The following FXYD6 variants were observed in gnomAD, a reference collection of about 807,000 sequenced individuals.
The protein encoded by FXYD6 is FXYD domain-containing ion transport regulator 6.
Under a neutral mutation model 16.7 loss-of-function variants are expected in FXYD6, and 7 were observed. The ratio of observed to expected loss-of-function variants is 0.42; its 90% CI spans 0.24 to 0.79. The LOEUF is 0.79. Ranked by LOEUF, FXYD6 falls within the 30% of genes least tolerant of loss-of-function variation. FXYD6 has a pLI of 0.28. For missense variants in FXYD6, 111 were observed against 116.2 expected (o/e 0.95, Z 0.21); for synonymous variants, 49 against 43.0 (o/e 1.14, Z -0.54).
intron 1 of FXYD6, among the ~76,000 whole-genome samples, chr11:117,852,435 C>T (rs2056631030): frequency 6.6e-6 from 1 of 152,214 alleles, no homozygotes; most frequent in Non-Finnish European, 1.5e-5. Flanking sequence ...ATTATTTTTG[C>T]TCTGCACTTT....
chr11:117,841,717 C>G, intron 4 of FXYD6, 74 bp downstream of exon 4: 1 of 1,567,756 alleles, frequency 6.4e-7, no homozygotes. Flanking sequence ...ACCAACCAGG[C>G]TCTCACACTG....
At position 117,858,685 on chromosome 11, in the gene FXYD6, TTCTTTCTTTCTTTCTTTC is replaced by T. The variant is rs1340180936; in HGVS notation, c.-5-15922_-5-15905del. Among the ~76,000 whole-genome samples, 94 of 86,990 alleles carry T rather than the reference TTCTTTCTTTCTTTCTTTC, an allele frequency of 1.1e-3. 3 individuals are homozygous for T. Among genetic ancestry groups the T allele is most frequent in the Middle Eastern group, 4.9e-3 (1 of 204 alleles). 57.1% of individuals were successfully genotyped at this position (86,990 alleles called of 152,430 possible). ...TTTCTTTCTTTCTTTCTTTCTTTCT[TTCTTTCTTTCTTTCTTTC>T]TCTCTCTCTCTCCTTCCTTCCCTTC... is the stretch of plus-strand genomic sequence containing the variant. On this transcript the variant is annotated intron_variant, in intron 1 of 7. Transcript: ENST00000526014.
intron 1 of FXYD6, among the ~76,000 whole-genome samples, chr11:117,861,931 C>T (rs1255895332): frequency 1.3e-5 from 2 of 152,188 alleles, no homozygotes; most frequent in African/African-American, 2.4e-5. Context: ...GATATGTGGC[C>T]CAGGGAGGAC....
chr11:117,865,382 G>C (rs2056992696), intron 1 of FXYD6, among the ~76,000 whole-genome samples: 1 of 152,164 alleles, frequency 6.6e-6, no homozygotes, highest in Non-Finnish European at 1.5e-5. Context: ...CAAAAGAATT[G>C]GAAATAGAAC....
At chr11:117,842,249 G>A in intron 2 of FXYD6, 1 of 619,590 alleles carries the variant, frequency 1.6e-6, no homozygotes, top group East Asian at 2.7e-5. Flanking sequence ...AACTCAGTGA[G>A]GCTCTGAGTC....
At chr11:117,846,595 G>T (rs75589807) in intron 1 of FXYD6, among the ~76,000 whole-genome samples, 3,250 of 152,284 alleles carry the variant, frequency 0.021, 111 homozygotes, top group African/African-American at 0.073. Context: ...ATGATAACTT[G>T]TACTGTAACC....
At chr11:117,849,968 G>C (rs964209349) in intron 1 of FXYD6, among the ~76,000 whole-genome samples, 1 of 152,112 alleles carries the variant, frequency 6.6e-6, no homozygotes. Flanking sequence ...TGACATCAGA[G>C]GGCTAAAAAC....
chr11:117,863,068 G>A (rs2056943501), intron 1 of FXYD6, among the ~76,000 whole-genome samples: 1 of 152,200 alleles, frequency 6.6e-6, no homozygotes, highest in Admixed American at 6.5e-5. Context: ...TCCATGGGAT[G>A]TTGGTTATTA....
chr11:117,844,249 C>T (rs911257467), intron 1 of FXYD6: 1 of 152,360 alleles, frequency 6.6e-6, no homozygotes, highest in African/African-American at 2.4e-5. Flanking sequence ...AATTTGCTTT[C>T]AATGCTGTCT....
chr11:117,868,097 G>A (rs1248594469), intron 1 of FXYD6, among the ~76,000 whole-genome samples: 1 of 152,196 alleles, frequency 6.6e-6, no homozygotes, highest in African/African-American at 2.4e-5. Flanking sequence ...TTGGCGCATA[G>A]CACATTCTGT....
intron 1 of FXYD6, among the ~76,000 whole-genome samples, chr11:117,857,504 G>C (rs1408858066): frequency 6.6e-6 from 1 of 151,728 alleles, no homozygotes; most frequent in Non-Finnish European, 1.5e-5. Flanking sequence ...CTGCTGCCGG[G>C]TTCAAGCGAT....
intron 1 of FXYD6, among the ~76,000 whole-genome samples, chr11:117,856,527 G>A (rs543416750): frequency 2.6e-5 from 4 of 152,310 alleles, no homozygotes; most frequent in South Asian, 4.1e-4. Flanking sequence ...TAAGAAAGAT[G>A]AGGTCTCACT....
intron 1 of FXYD6, among the ~76,000 whole-genome samples, chr11:117,864,550 A>G (rs1354984382): frequency 6.6e-6 from 1 of 152,232 alleles, no homozygotes; most frequent in Non-Finnish European, 1.5e-5. Flanking sequence ...TGAATAGGAC[A>G]ACAAAGGCAC....
At chr11:117,852,194 T>C (rs1011116869) in intron 1 of FXYD6, among the ~76,000 whole-genome samples, 4 of 152,220 alleles carry the variant, frequency 2.6e-5, no homozygotes, top group African/African-American at 9.7e-5. Context: ...CAGTCAATTC[T>C]CTTATCAGAC....
chr11:117,841,180 G>A lies in FXYD6; in HGVS notation c.177C>T (p.Arg59=). The A allele has an allele frequency of 6.2e-7, 1 of 1,614,116 alleles. No homozygotes were observed. The highest frequency in any genetic ancestry group is 8.5e-7 in the Non-Finnish European group (1 of 1,180,022). ...FSVGILLILS[R]RCKCSFNQKP... is the part of the protein sequence containing the mutation. ...TCTGATTGAAACTGCACTTGCACCTGCGACCTGAAAAGCAAAGAAACCATC... is the reference window on the plus strand; with the variant it reads ...TCTGATTGAAACTGCACTTGCACCTACGACCTGAAAAGCAAAGAAACCATC... Residue 59 remains arginine, a synonymous_variant, in exon 5 of 8, where the codon CGC becomes CGT. Transcript: ENST00000526014.
chr11:117,843,949 G>A (rs1478597420), intron 1 of FXYD6: 1 of 152,240 alleles, frequency 6.6e-6, no homozygotes, highest in African/African-American at 2.4e-5. Flanking sequence ...GGGCTTAAAG[G>A]AGCATGGTTA....
rs562497089 is a variant in FXYD6 at position 117,874,165 on chromosome 11, C to T, written c.-6+2427G>A. On this transcript the variant is annotated intron_variant, in intron 1 of 7. Transcript: ENST00000526014. ...TCCGGCTCTGAGAAACCTAGGATTCCGATGTCAGGGATTGTGTCTCCCTCC... is the reference window on the plus strand; with the variant it reads ...TCCGGCTCTGAGAAACCTAGGATTCTGATGTCAGGGATTGTGTCTCCCTCC... 7.2e-5 allele frequency among the ~76,000 whole-genome samples: 11 copies of T among 152,258 alleles called. No individual in the cohort carries two copies. In the South Asian group the frequency reaches 1.9e-3, roughly 26 times the overall value.
chr11:117,864,232 A>G (rs1282640687), intron 1 of FXYD6, among the ~76,000 whole-genome samples: 1 of 152,248 alleles, frequency 6.6e-6, no homozygotes, highest in African/African-American at 2.4e-5. Context: ...AGTGTGTGAC[A>G]TAAGAACAGA....
At chr11:117,851,361 C>A (rs1039040586) in intron 1 of FXYD6, among the ~76,000 whole-genome samples, 8 of 152,210 alleles carry the variant, frequency 5.3e-5, no homozygotes, top group Non-Finnish European at 1.2e-4. Flanking sequence ...TATTCAGGCA[C>A]CCCTGTGGAG....
Sources: gnomAD v4.1 joint callset for allele counts (sites outside exome capture counted in the v4.1 genomes callset) on GRCh38, gnomAD v4.1.1 for gene constraint, MANE v1.5 for transcripts, NCBI Gene and HGNC (gene_info 2026-07-23, HGNC 2026-07-21) for gene names.